SV2C: variants seen among roughly 807,000 people sequenced by gnomAD.
SV2C encodes the protein solute carrier family 22 member B3.
In SV2C, 49 loss-of-function variants were observed where a neutral mutation model predicts 79.7. The ratio of observed to expected loss-of-function variants is 0.61; its 90% CI spans 0.49 to 0.78. The LOEUF (loss-of-function observed/expected upper bound fraction) is 0.78, where lower values mean the gene tolerates loss of function less well. Among genes scored for constraint, SV2C ranks in the 30% least tolerant of loss-of-function variants. SV2C has a pLI of 0.00. For synonymous variants in SV2C, 334 were observed against 333.2 expected (o/e 1.00, Z -0.03); for missense variants, 833 against 912.9 (o/e 0.91, Z 1.13).
At chr5:76,185,818 A>G (rs1441190412) in intron 2 of SV2C, among the ~76,000 whole-genome samples, 1 of 152,134 alleles carries the variant, frequency 6.6e-6, no homozygotes, top group Non-Finnish European at 1.5e-5. Context: ...CAATGGAGAA[A>G]TCTCCATTGA....
intron 1 of SV2C, among the ~76,000 whole-genome samples, chr5:76,106,898 C>G (rs1440163019): frequency 6.6e-6 from 1 of 152,132 alleles, no homozygotes; most frequent in Non-Finnish European, 1.5e-5. Context: ...CCCATGCTAG[C>G]AAGTAAACTC....
At chr5:75,913,114 G>T in the SV2C span, among the ~76,000 whole-genome samples, 3 of 152,170 alleles carry the variant, frequency 2.0e-5, no homozygotes, top group Non-Finnish European at 2.9e-5. Context: ...AGGAGTCAGA[G>T]GCTTGGACCC....
At chr5:76,129,102 C>T (rs1748800226) in intron 1 of SV2C, among the ~76,000 whole-genome samples, 1 of 152,156 alleles carries the variant, frequency 6.6e-6, no homozygotes, top group African/African-American at 2.4e-5. Flanking sequence ...ATAGTACAAA[C>T]TTGGGGTTTT....
At chr5:76,089,201 C>T (rs1249712734) in intron 1 of SV2C, among the ~76,000 whole-genome samples, 1 of 152,066 alleles carries the variant, frequency 6.6e-6, no homozygotes, top group African/African-American at 2.4e-5. Flanking sequence ...CCAACAGGCC[C>T]CAGTGTGTAT....
chr5:75,999,002 A>G, the SV2C span, among the ~76,000 whole-genome samples: 16 of 152,268 alleles, frequency 1.1e-4, no homozygotes, highest in Non-Finnish European at 2.4e-4. Context: ...GGGAAGCCTC[A>G]CAATCATGGC....
chr5:76,351,100 T>G (rs976028105), intron 12 of SV2C, among the ~76,000 whole-genome samples: 4 of 152,156 alleles, frequency 2.6e-5, no homozygotes, highest in African/African-American at 9.7e-5. Flanking sequence ...AACTTCAGAT[T>G]GAATGGCCGG....
At chr5:76,274,582 A>G (rs1561294070) in intron 4 of SV2C, among the ~76,000 whole-genome samples, 1 of 152,084 alleles carries the variant, frequency 6.6e-6, no homozygotes, top group Non-Finnish European at 1.5e-5. Context: ...CAATAGTTAT[A>G]TGATATTCCA....
At chr5:76,017,147 C>T in the SV2C span, among the ~76,000 whole-genome samples, 1 of 152,210 alleles carries the variant, frequency 6.6e-6, no homozygotes, top group Admixed American at 6.5e-5. Context: ...AAGACTTCAT[C>T]AGCTCTTAGC....
At chr5:76,217,890 G>A (rs904291469) in intron 4 of SV2C, among the ~76,000 whole-genome samples, 3 of 152,152 alleles carry the variant, frequency 2.0e-5, no homozygotes, top group African/African-American at 7.2e-5. Flanking sequence ...CAAGGGGCAT[G>A]TACTATATAA....
At chr5:76,316,245 T>G (rs1277125885) in intron 12 of SV2C, among the ~76,000 whole-genome samples, 1 of 152,206 alleles carries the variant, frequency 6.6e-6, no homozygotes, top group Non-Finnish European at 1.5e-5. Context: ...GTGGATGTTT[T>G]GCTTTTATAA....
At chr5:76,113,847 A>G (rs1038610659) in intron 1 of SV2C, among the ~76,000 whole-genome samples, 4 of 152,140 alleles carry the variant, frequency 2.6e-5, no homozygotes, top group Non-Finnish European at 5.9e-5. Context: ...AAGAATGCCC[A>G]TTCTCAGTGG....
the SV2C span, among the ~76,000 whole-genome samples, chr5:76,035,367 C>T: frequency 6.6e-6 from 1 of 151,938 alleles, no homozygotes; most frequent in African/African-American, 2.4e-5. Context: ...GATCTTTCCT[C>T]CTTTCTCTTG....
At chr5:75,916,927 G>T in the SV2C span, among the ~76,000 whole-genome samples, 5 of 152,170 alleles carry the variant, frequency 3.3e-5, no homozygotes, top group African/African-American at 1.2e-4. Context: ...GTTGGCAGGT[G>T]CCTGGACAAA....
chr5:76,291,712 G>A, intron 7 of SV2C, 56 bp from the exon 8 acceptor site: 1 of 1,232,214 alleles, frequency 8.1e-7, no homozygotes, highest in Non-Finnish European at 1.2e-6. Flanking sequence ...AAGGGGTCGG[G>A]GAGTGGGGTT....
chr5:76,164,771 C>G (rs1160029803), intron 2 of SV2C, among the ~76,000 whole-genome samples: 1 of 118,854 alleles, frequency 8.4e-6, no homozygotes, highest in Non-Finnish European at 1.8e-5. Context: ...TATAGATAGT[C>G]ATCCCTCAGT....
chr5:76,089,137 G>A (rs959459153), intron 1 of SV2C, among the ~76,000 whole-genome samples: 2 of 152,108 alleles, frequency 1.3e-5, no homozygotes, highest in African/African-American at 4.8e-5. Context: ...TAGGTATTAA[G>A]CCCAGAATGC....
chr5:75,943,274 C>G, the SV2C span, among the ~76,000 whole-genome samples: 3 of 152,290 alleles, frequency 2.0e-5, no homozygotes, highest in Admixed American at 2.0e-4. Context: ...AAACTGGCAA[C>G]TGGCTTTTAA....
the SV2C span, among the ~76,000 whole-genome samples, chr5:76,032,049 T>G: frequency 6.8e-4 from 103 of 152,344 alleles, 1 homozygote; most frequent in East Asian, 0.019. Context: ...TATTTGTTTC[T>G]ATTTTTGAAA....
the SV2C span, among the ~76,000 whole-genome samples, chr5:75,883,003 A>G: frequency 1.3e-5 from 2 of 148,688 alleles, no homozygotes; most frequent in Admixed American, 6.7e-5. Flanking sequence ...AGAAAAAAAC[A>G]AACAACCCCA....
Sources: allele counts gnomAD v4.1 joint callset (sites outside exome capture counted in the v4.1 genomes callset), GRCh38; gene constraint gnomAD v4.1.1; transcripts MANE v1.5; gene names NCBI Gene and HGNC (gene_info 2026-07-23, HGNC 2026-07-21).